The following NSD1 variants were observed in gnomAD, a reference collection of about 807,000 sequenced individuals.
NSD1 encodes the protein histone-lysine N-methyltransferase, H3 lysine-36 specific.
In NSD1, 26 loss-of-function variants were observed where a neutral mutation model predicts 242.7. The observed-to-expected ratio is 0.11, with a 90% CI of 0.08 to 0.15. NSD1 has a LOEUF of 0.15. Among genes scored for constraint, NSD1 ranks in the 10% least tolerant of loss-of-function variants. The pLI is 1.00. For synonymous variants in NSD1, 1,106 were observed against 1,178.1 expected (o/e 0.94, Z 1.25); for missense variants, 2,495 against 3,272.8 (o/e 0.76, Z 5.80).
intron 17 of NSD1, among the ~76,000 whole-genome samples, chr5:177,274,606 C>T (rs982624936): frequency 6.6e-6 from 1 of 151,890 alleles, no homozygotes; most frequent in Non-Finnish European, 1.5e-5. Flanking sequence ...CCAGGTTGTT[C>T]TTGTAAAACA....
At chr5:177,138,775 G>C (rs1756563385) in intron 2 of NSD1, among the ~76,000 whole-genome samples, 1 of 151,522 alleles carries the variant, frequency 6.6e-6, no homozygotes, top group Non-Finnish European at 1.5e-5. Flanking sequence ...GAGTAGCTGG[G>C]ATTACAGGTG....
chr5:177,137,784 T>C (rs566754283), intron 2 of NSD1, among the ~76,000 whole-genome samples: 1 of 152,064 alleles, frequency 6.6e-6, no homozygotes, highest in Admixed American at 6.6e-5. Flanking sequence ...GTATTGGTTC[T>C]ATTAAAAAAA....
At chr5:177,244,643 C>T (rs1766140274) in intron 9 of NSD1, among the ~76,000 whole-genome samples, 1 of 152,190 alleles carries the variant, frequency 6.6e-6, no homozygotes, top group Non-Finnish European at 1.5e-5. Context: ...CAGGTTTTCT[C>T]CATGCCACTT....
intron 14 of NSD1, among the ~76,000 whole-genome samples, chr5:177,264,319 A>C (rs2149924669): frequency 6.6e-6 from 1 of 152,290 alleles, no homozygotes; most frequent in African/African-American, 2.4e-5. Flanking sequence ...AATGAATTTT[A>C]GTGTAGTCAT....
At position 177,209,659 on chromosome 5, in the gene NSD1, A is replaced by G. The variant is rs1397377820; in HGVS notation, c.1260A>G (p.Lys420=). The change falls in exon 5 of 23, where the codon AAA becomes AAG. Residue 420 remains lysine (K), a synonymous_variant. Transcript: ENST00000439151. ...AGGTTCCTCAGAAAATTTTGAGTAAATGGGAAGCCAGTGTTGGACTTGCAG... is the reference window on the plus strand; with the variant it reads ...AGGTTCCTCAGAAAATTTTGAGTAAGTGGGAAGCCAGTGTTGGACTTGCAG... ...RHKVPQKILS[K]WEASVGLAEQ... The G allele has an allele frequency of 6.2e-7, 1 of 1,613,934 alleles. No individual in the cohort carries two copies. Among genetic ancestry groups the G allele is most frequent in the Admixed American group, 1.7e-5 (1 of 59,996 alleles).
chr5:177,282,294 T>C (rs958780058), intron 18 of NSD1, among the ~76,000 whole-genome samples, 171 bp from the exon 19 acceptor site: 17 of 152,334 alleles, frequency 1.1e-4, no homozygotes, highest in Middle Eastern at 6.8e-3. Context: ...AGGAGGTGTT[T>C]CTCATTATCA....
rs1053398691 is a variant in NSD1, at chr5:177,218,728, C to T, written c.3796+6533C>T. ...GACTACAGGCGCCCCCCACCACGCC[C>T]GGCTAAATTTTTTTTGTATTTTTTA... On this transcript the variant is annotated intron_variant, in intron 5 of 22. Transcript: ENST00000439151. Among the ~76,000 whole-genome samples, 15 of 151,850 alleles carry T rather than the reference C, an allele frequency of 9.9e-5. No homozygotes were observed. The South Asian group carries it at 1.2e-3, about 13-fold the overall frequency.
chr5:177,215,524 A>T (rs958900804), intron 5 of NSD1, among the ~76,000 whole-genome samples: 3 of 151,736 alleles, frequency 2.0e-5, no homozygotes, highest in African/African-American at 7.3e-5. Context: ...GGTGGAACAT[A>T]GGGTAATTCT....
chr5:177,244,414 A>G, intron 9 of NSD1, 144 bp downstream of exon 9: 5 of 667,480 alleles, frequency 7.5e-6, no homozygotes, highest in Non-Finnish European at 1.3e-5. Flanking sequence ...CTGCTTCCTG[A>G]AAAAGAAAAA....
chr5:177,291,008 T>C (rs1178984151), intron 21 of NSD1, among the ~76,000 whole-genome samples: 1 of 152,202 alleles, frequency 6.6e-6, no homozygotes, highest in Non-Finnish European at 1.5e-5. Flanking sequence ...TCTTAGTAGA[T>C]ACTGGTCTGT....
chr5:177,246,825 T>G (rs1294869468), intron 10 of NSD1, 29 bp downstream of exon 10: 3 of 1,515,220 alleles, frequency 2.0e-6, no homozygotes, highest in Non-Finnish European at 2.8e-6. Context: ...TCTTTTCACC[T>G]TCTAAAGAGA....
chr5:177,258,799 G>A (rs1159206186), intron 13 of NSD1, among the ~76,000 whole-genome samples: 2 of 152,282 alleles, frequency 1.3e-5, no homozygotes, highest in East Asian at 3.9e-4. Context: ...GCCTCCCAAA[G>A]TGCTGGGATT....
rs78072544 is a variant in NSD1, at chr5:177,171,779, G to A, written c.928-20105G>A. Among the ~76,000 whole-genome samples the A allele has an allele frequency of 3.7e-3, 561 of 152,314 alleles. 4 individuals are homozygous for A. Among genetic ancestry groups the A allele is most frequent in the African/African-American group, 0.013 (546 of 41,568 alleles). On this transcript the variant is annotated intron_variant, in intron 2 of 22. Coordinates refer to ENST00000439151, the MANE Select transcript of NSD1 (RefSeq NM_022455.5). ...TCAAGGTTTTTGCATGTTGTAGTGTGTATCAGGACTTCTTTTTCATGGTTG... is the reference window on the plus strand; with the variant it reads ...TCAAGGTTTTTGCATGTTGTAGTGTATATCAGGACTTCTTTTTCATGGTTG...
intron 2 of NSD1, among the ~76,000 whole-genome samples, chr5:177,182,457 T>C (rs1760770788): frequency 1.3e-5 from 2 of 152,098 alleles, no homozygotes; most frequent in Non-Finnish European, 2.9e-5. Context: ...GACAGGGTTT[T>C]GCTCTCTTTC....
At position 177,273,708 on chromosome 5, in the gene NSD1, A is replaced by G; in HGVS notation, c.5546A>G (p.Lys1849Arg). ...GCTGCAGCAAGGTTTGAGGAATTAA[A>G]GGCCCAAAAAGAGCTAAGACAGCTG... Reference protein sequence around the residue: ...QEAAARFEELKAQKELRQLQE... With the variant: ...QEAAARFEELRAQKELRQLQE... The change falls in exon 17 of 23, where the codon AAG becomes AGG. Residue 1849 changes from lysine (K) to arginine (R), a missense_variant. By Grantham distance (26) the Lys-to-Arg change is conservative. This residue lies in a region of NSD1 where 114 missense variants were observed against 247.4 expected (regional missense o/e 0.46). Transcript: ENST00000439151. The G allele has an allele frequency of 6.2e-7, 1 of 1,613,720 alleles. No homozygotes were observed. Among genetic ancestry groups the G allele is most frequent in the East Asian group, 2.2e-5 (1 of 44,858 alleles).
rs766033636 is a variant in NSD1, at chr5:177,269,674, A to G, written c.5376A>G (p.Gly1792=). The change falls in exon 16 of 23, where the codon GGA becomes GGG. Residue 1792 remains glycine (G), a synonymous_variant. Coordinates refer to ENST00000439151, the MANE Select transcript of NSD1 (RefSeq NM_022455.5). This position sits in a 1 kb window ranked among gnomAD's most constrained non-coding sequence, Gnocchi z 5.1. ...SNIDKMRHDV[G]EFPVLFFGSN... is the part of the protein sequence containing the mutation. ...TTGATAAGATGAGACATGATGTGGG[A>G]GAGTTCCCAGTCCTCTTTTTTGGAT... 42 of 1,614,052 alleles carry G rather than the reference A, an allele frequency of 2.6e-5. 1 individual carries two copies. Among genetic ancestry groups the G allele is most frequent in the Middle Eastern group, 3.3e-4 (2 of 6,062 alleles).
intron 5 of NSD1, among the ~76,000 whole-genome samples, chr5:177,221,677 G>A (rs1460385074): frequency 6.6e-6 from 1 of 152,014 alleles, no homozygotes; most frequent in African/African-American, 2.4e-5. Flanking sequence ...CACCTTGTCG[G>A]CCAGGCTGGA....
chr5:177,268,198 T>C (rs1019551195), intron 15 of NSD1, among the ~76,000 whole-genome samples: 1 of 151,642 alleles, frequency 6.6e-6, no homozygotes, highest in Non-Finnish European at 1.5e-5. Flanking sequence ...AACTTCAAAC[T>C]CCTGGGCTTA....
At chr5:177,253,353 G>A (rs561618676) in intron 12 of NSD1, among the ~76,000 whole-genome samples, 1 of 152,304 alleles carries the variant, frequency 6.6e-6, no homozygotes, top group South Asian at 2.1e-4. Flanking sequence ...TCAGGCCTAT[G>A]AGTTGATAAA....
Sources: allele counts gnomAD v4.1 joint callset (sites outside exome capture counted in the v4.1 genomes callset), GRCh38; gene constraint gnomAD v4.1.1; regional missense constraint gnomAD v4.1.1; non-coding constraint Gnocchi (gnomAD v3.1); transcripts MANE v1.5; gene names NCBI Gene and HGNC (gene_info 2026-07-23, HGNC 2026-07-21).